CDKN2B-AS1: variants seen among roughly 807,000 people sequenced by gnomAD.
CDKN2B-AS1 encodes the protein CDKN2B antisense RNA 1 (non-protein coding).
intron 4 of CDKN2B-AS1, chr9:22,062,006 A>G (rs993054879): frequency 2.6e-5 from 4 of 152,256 alleles, no homozygotes; most frequent in African/African-American, 9.6e-5. Flanking sequence ...ATAAATTAAA[A>G]GAAGATAATC....
chr9:22,111,894 C>T (rs1432127023), intron 4 of CDKN2B-AS1, among the ~76,000 whole-genome samples: 2 of 152,030 alleles, frequency 1.3e-5, no homozygotes. Flanking sequence ...TGGCAGTGAG[C>T]AAAACAACCC....
rs2131168702 is a variant in CDKN2B-AS1, at chr9:22,001,805, ATAG to A, written n.29+6651_29+6653del. ...TATAGAAACTTTTCAGGTATGAAGG[ATAG>A]TAGTAGAGATGTTACATGAGTTAGC... On this transcript the variant is annotated intron_variant and non_coding_transcript_variant, in intron 1 of 4. Coordinates refer to ENST00000650946, the Ensembl canonical transcript of CDKN2B-AS1. The surrounding 1 kb of genome is among the most constrained non-coding windows in gnomAD (Gnocchi z 4.2). 6.6e-6 allele frequency among the ~76,000 whole-genome samples: 1 copy of A among 152,230 alleles called. No homozygotes were observed. The highest frequency in any genetic ancestry group is 1.9e-4 in the East Asian group (1 of 5,188).
chr9:22,043,436 G>A (rs571256001), intron 1 of CDKN2B-AS1, among the ~76,000 whole-genome samples: 2 of 151,634 alleles, frequency 1.3e-5, no homozygotes, highest in South Asian at 4.2e-4. Flanking sequence ...ACACACATGC[G>A]CTGTTTTGAT....
At chr9:22,008,033 G>A (rs1315903454) in intron 1 of CDKN2B-AS1, among the ~76,000 whole-genome samples, 1 of 152,142 alleles carries the variant, frequency 6.6e-6, no homozygotes, top group African/African-American at 2.4e-5. Flanking sequence ...GTCCGAGATT[G>A]TAAAAGAAAT....
At chr9:22,058,680 A>G (rs1823677797) in intron 4 of CDKN2B-AS1, 3 of 152,496 alleles carry the variant, frequency 2.0e-5, no homozygotes, top group Non-Finnish European at 4.4e-5. Flanking sequence ...TCTGCAGGGG[A>G]TCTGCTCACT....
Position 22,005,699 on chromosome 9 carries a change from C to T in CDKN2B-AS1, n.29+10538C>T. 1 of 543,902 alleles carries T rather than the reference C, an allele frequency of 1.8e-6. No homozygotes were observed. Among genetic ancestry groups the T allele is most frequent in the South Asian group, 2.1e-5 (1 of 48,012 alleles). The allele number at this position is 543,902 out of a possible 1,614,324, so 33.7% of individuals were successfully genotyped here. On this transcript the variant is annotated intron_variant and non_coding_transcript_variant, in intron 1 of 4. Transcript: ENST00000650946. This position sits in a 1 kb window ranked among gnomAD's most constrained non-coding sequence, Gnocchi z 4.9. ...TCATATGCACTTTCCCTCAGAAAAC[C>T]CTGAAAAGCAAACGACCCCTGGAAT...
chr9:22,115,222 A>T (rs909341855), intron 4 of CDKN2B-AS1, among the ~76,000 whole-genome samples: 1 of 152,196 alleles, frequency 6.6e-6, no homozygotes, highest in African/African-American at 2.4e-5. Flanking sequence ...GCTGAAGAAG[A>T]TTTACATTAT....
chr9:21,997,439 A>G lies in CDKN2B-AS1; in HGVS notation n.29+2278A>G, dbSNP rs1451443645. ...ACAATTTTATATATACGTACATTAT[A>G]TGTCTACACACACATATGTGGGGGA... On this transcript the variant is annotated intron_variant and non_coding_transcript_variant, in intron 1 of 4. Coordinates refer to ENST00000650946, the Ensembl canonical transcript of CDKN2B-AS1. This position sits in a 1 kb window ranked among gnomAD's most constrained non-coding sequence, Gnocchi z 4.8. Among the ~76,000 whole-genome samples the G allele has an allele frequency of 3.3e-5, 5 of 151,930 alleles. No individual in the cohort carries two copies. The highest frequency in any genetic ancestry group is 7.4e-5 in the Non-Finnish European group (5 of 67,996).
Position 21,997,694 on chromosome 9 carries a change from C to A in CDKN2B-AS1, n.29+2533C>A, listed in dbSNP as rs1350805746. The stretch of plus-strand genomic sequence containing the variant: ...GCTCTTCAACTGCTTGGATGAGGAC[C>A]ACCCATATTATTGAGGATAATCTGC... On this transcript the variant is annotated intron_variant and non_coding_transcript_variant, in intron 1 of 4. Coordinates refer to ENST00000650946, the Ensembl canonical transcript of CDKN2B-AS1. This position sits in a 1 kb window ranked among gnomAD's most constrained non-coding sequence, Gnocchi z 4.8. Among the ~76,000 whole-genome samples the A allele has an allele frequency of 6.6e-6, 1 of 151,962 alleles. No individual in the cohort carries two copies. Among genetic ancestry groups the A allele is most frequent in the Non-Finnish European group, 1.5e-5 (1 of 68,010 alleles).
exon 2 of CDKN2B-AS1, chr9:22,046,894 A>C (rs888580345): frequency 6.6e-6 from 1 of 152,162 alleles, no homozygotes; most frequent in African/African-American, 2.4e-5. Context: ...TTTTCTTGGA[A>C]AGAGAGGTAA....
At chr9:22,036,361 C>A (rs1289150140) in intron 1 of CDKN2B-AS1, among the ~76,000 whole-genome samples, 2 of 152,026 alleles carry the variant, frequency 1.3e-5, no homozygotes, top group Non-Finnish European at 2.9e-5. Flanking sequence ...TACTGTAAGA[C>A]ACAATTCTTT....
intron 1 of CDKN2B-AS1, chr9:22,012,208 G>A: frequency 6.4e-6 from 9 of 1,405,898 alleles, no homozygotes; most frequent in Non-Finnish European, 5.0e-6. Context: ...TTGAGGTCGA[G>A]CCCAGTGACA....
At chr9:22,110,736 C>T (rs1353777867) in intron 4 of CDKN2B-AS1, among the ~76,000 whole-genome samples, 3 of 151,946 alleles carry the variant, frequency 2.0e-5, no homozygotes, top group Non-Finnish European at 4.4e-5. Context: ...TAAAAAATAC[C>T]ATTTTACCTG....
intron 4 of CDKN2B-AS1, among the ~76,000 whole-genome samples, chr9:22,111,585 T>TATTTG (rs112917455): frequency 0.64 from 97,329 of 151,526 alleles, 33,322 homozygotes; most frequent in African/African-American, 0.9. Context: ...TATCCATATA[T>TATTTG]ATGTGACATT....
chr9:22,067,032 G>C (rs1824072588), intron 4 of CDKN2B-AS1, among the ~76,000 whole-genome samples: 1 of 152,152 alleles, frequency 6.6e-6, no homozygotes, highest in South Asian at 2.1e-4. Context: ...CTTGGACACA[G>C]GGTGGGGAAC....
chr9:22,011,911 T>C (rs58937795), intron 1 of CDKN2B-AS1, among the ~76,000 whole-genome samples: 1,753 of 152,208 alleles, frequency 0.012, 25 homozygotes, highest in African/African-American at 0.039. Flanking sequence ...TTTAATAAGG[T>C]GGAGAATTTA....
At chr9:22,119,544 A>G (rs1023992911) in intron 4 of CDKN2B-AS1, 4 of 152,228 alleles carry the variant, frequency 2.6e-5, no homozygotes, top group African/African-American at 2.4e-5. Context: ...TTCACTGCCA[A>G]TATTTATTAT....
chr9:22,005,930 G>T lies in CDKN2B-AS1; in HGVS notation n.29+10769G>T, dbSNP rs1821150382. 2 of 1,587,530 alleles carry T rather than the reference G, an allele frequency of 1.3e-6. No individual in the cohort carries two copies. The highest frequency in any genetic ancestry group is 4.5e-5 in the East Asian group (2 of 44,556). On this transcript the variant is annotated intron_variant and non_coding_transcript_variant, in intron 1 of 4. Coordinates refer to ENST00000650946, the Ensembl canonical transcript of CDKN2B-AS1. This position sits in a 1 kb window ranked among gnomAD's most constrained non-coding sequence, Gnocchi z 4.9. ...CAGCCTTCATCGAATTAGGTGGGTG[G>T]GGGTGGGAAATTGGGTAAGAAAATA...
intron 1 of CDKN2B-AS1, among the ~76,000 whole-genome samples, chr9:22,040,857 A>G (rs1268611266): frequency 1.3e-5 from 2 of 152,034 alleles, no homozygotes; most frequent in African/African-American, 4.8e-5. Context: ...CATCTTAATT[A>G]TATAAATGTG....
Sources: gnomAD v4.1 joint callset for allele counts (sites outside exome capture counted in the v4.1 genomes callset) on GRCh38, gnomAD v4.1.1 for gene constraint, Gnocchi (gnomAD v3.1) non-coding constraint, MANE v1.5 for transcripts, NCBI Gene and HGNC (gene_info 2026-07-23, HGNC 2026-07-21) for gene names.